PCGF5: variants seen among roughly 807,000 people sequenced by gnomAD.
PCGF5 encodes the protein polycomb group RING finger protein 5.
In PCGF5, 9 loss-of-function variants were observed where a neutral mutation model predicts 44.3. The observed-to-expected ratio is 0.20, with a 90% CI of 0.12 to 0.35. The LOEUF is 0.35. Among genes scored for constraint, PCGF5 ranks in the 10% least tolerant of loss-of-function variants. The pLI is 1.00. For synonymous variants in PCGF5, 95 were observed against 102.5 expected (o/e 0.93, Z 0.44); for missense variants, 146 against 305.3 (o/e 0.48, Z 3.89).
In PCGF5 at chr10:91,279,739, G is replaced by A. The variant is rs1310654967; in HGVS notation, c.*1423G>A. 2 of 152,080 alleles carry A rather than the reference G, an allele frequency of 1.3e-5. No individual in the cohort carries two copies. Among genetic ancestry groups the A allele is most frequent in the Non-Finnish European group, 2.9e-5 (2 of 67,954 alleles). 9.4% of individuals were successfully genotyped at this position (152,080 alleles called of 1,614,324 possible). Reference sequence around the variant, plus strand: ...GTTAGGAAAAATATTTGAGAAATATGACGAGCACAATCTGTGTGTTACACA... The same window carrying A: ...GTTAGGAAAAATATTTGAGAAATATAACGAGCACAATCTGTGTGTTACACA... On this transcript the variant is annotated 3_prime_UTR_variant, in exon 10 of 10. Transcript: ENST00000336126.
At chr10:91,188,278 G>A (rs1033684130) in intron 1 of PCGF5, among the ~76,000 whole-genome samples, 1 of 152,226 alleles carries the variant, frequency 6.6e-6, no homozygotes, top group Non-Finnish European at 1.5e-5. Context: ...GGAAGCGCAA[G>A]GGGTCAGGGA....
At chr10:91,163,372 C>G (rs1843428709) in intron 1 of PCGF5, among the ~76,000 whole-genome samples, 1 of 151,810 alleles carries the variant, frequency 6.6e-6, no homozygotes, top group Non-Finnish European at 1.5e-5. Context: ...TTTCTCTTCC[C>G]CAGAGGGGCG....
chr10:91,187,956 T>A (rs946325688), intron 1 of PCGF5, among the ~76,000 whole-genome samples: 1 of 152,016 alleles, frequency 6.6e-6, no homozygotes, highest in Non-Finnish European at 1.5e-5. Flanking sequence ...TCTTTTTTTT[T>A]TTATTTTAAA....
chr10:91,201,408 A>G (rs1246773331), intron 1 of PCGF5, among the ~76,000 whole-genome samples: 1 of 152,204 alleles, frequency 6.6e-6, no homozygotes, highest in Non-Finnish European at 1.5e-5. Context: ...AATGCCATCA[A>G]CGTATGAATT....
At chr10:91,233,353 C>G (rs1845062655) in intron 2 of PCGF5, among the ~76,000 whole-genome samples, 1 of 152,144 alleles carries the variant, frequency 6.6e-6, no homozygotes, top group Non-Finnish European at 1.5e-5. Context: ...CCCCCAGACT[C>G]TTTCCTAACC....
In PCGF5 at chr10:91,278,519, C is replaced by A; in HGVS notation, c.*203C>A. 1.7e-6 allele frequency: 1 copy of A among 578,642 alleles called. No individual in the cohort carries two copies. Among genetic ancestry groups the A allele is most frequent in the Non-Finnish European group, 3.1e-6 (1 of 320,426 alleles). The allele number at this position is 578,642 out of a possible 1,614,324, so 35.8% of individuals were successfully genotyped here. ...ACCAAGTGCCATTCTGCTACTGAAC[C>A]ATCTGCATAAGGTATTTGTGTTGTC... On this transcript the variant is annotated 3_prime_UTR_variant, in exon 10 of 10. Transcript: ENST00000336126.
chr10:91,177,589 T>G (rs1454904341), intron 1 of PCGF5, among the ~76,000 whole-genome samples: 1 of 152,216 alleles, frequency 6.6e-6, no homozygotes, highest in Non-Finnish European at 1.5e-5. Flanking sequence ...GTTTACCTAC[T>G]CAAGCCTCAG....
Position 91,240,027 on chromosome 10 carries a change from C to T in PCGF5, c.113-457C>T, listed in dbSNP as rs1216139046. On this transcript the variant is annotated intron_variant, in intron 2 of 9. Transcript: ENST00000336126. The stretch of plus-strand genomic sequence containing the variant: ...TGTGACTCCCAGTTTGTCCCTGGAG[C>T]ACCCTGCCAATAAAAGTAATGCAAA... 2.0e-5 allele frequency among the ~76,000 whole-genome samples: 3 copies of T among 152,248 alleles called. No individual in the cohort carries two copies. In the East Asian group the frequency reaches 5.8e-4, roughly 29 times the overall value.
upstream of PCGF5, among the ~76,000 whole-genome samples, chr10:91,160,638 G>C (rs1384447844): frequency 6.7e-6 from 1 of 149,874 alleles, no homozygotes; most frequent in South Asian, 2.1e-4. Context: ...AAGAGACTCT[G>C]GGGGGGAAAA....
In PCGF5 at chr10:91,189,819, A is replaced by G. The variant is rs78451039; in HGVS notation, c.-184+26738A>G. 6.6e-3 allele frequency among the ~76,000 whole-genome samples: 1,007 copies of G among 152,372 alleles called. 9 individuals are homozygous for G. Among genetic ancestry groups the G allele is most frequent in the African/African-American group, 0.023 (967 of 41,592 alleles). On this transcript the variant is annotated intron_variant, in intron 1 of 9. Coordinates refer to the PCGF5 transcript ENST00000614189. ...GAGCACATTAATATTTTCATATTGA[A>G]CACGTCTATATTTTCAAGTTGCACT...
At chr10:91,244,697 A>G (rs1845413661) in intron 3 of PCGF5, among the ~76,000 whole-genome samples, 1 of 152,204 alleles carries the variant, frequency 6.6e-6, no homozygotes, top group Non-Finnish European at 1.5e-5. Flanking sequence ...AGAAATGCTC[A>G]TATTCTGAAT....
chr10:91,164,853 G>T (rs533719094), intron 1 of PCGF5, among the ~76,000 whole-genome samples: 232 of 152,228 alleles, frequency 1.5e-3, no homozygotes, highest in African/African-American at 5.4e-3. Flanking sequence ...TCTTCACTGC[G>T]CTTAATCGCT....
intron 2 of PCGF5, among the ~76,000 whole-genome samples, chr10:91,236,628 T>C (rs566939955): frequency 6.6e-6 from 1 of 152,372 alleles, no homozygotes; most frequent in South Asian, 2.1e-4. Flanking sequence ...ATCTTTAAGA[T>C]ATTTTTAAAA....
chr10:91,241,361 C>A (rs374662818), intron 3 of PCGF5, among the ~76,000 whole-genome samples: 1 of 152,104 alleles, frequency 6.6e-6, no homozygotes, highest in African/African-American at 2.4e-5. Context: ...AGCCACCACA[C>A]CTGGCCTAAT....
rs1324004793 is a variant in PCGF5 at position 91,283,275 on chromosome 10, A to G, written c.*4959A>G. 8 of 152,216 alleles carry G rather than the reference A, an allele frequency of 5.3e-5. No individual in the cohort carries two copies. 9.4% of individuals were successfully genotyped at this position (152,216 alleles called of 1,614,324 possible). On this transcript the variant is annotated 3_prime_UTR_variant, in exon 10 of 10. Transcript: ENST00000336126. ...AGCACTTCCTTTCAGAAAGTTATAA[A>G]ATTAAAAATAATTATTTTAAATGCT... is the stretch of plus-strand genomic sequence containing the variant.
Position 91,175,811 on chromosome 10 carries a change from C to T in PCGF5, c.-184+12730C>T, listed in dbSNP as rs971704965. Among the ~76,000 whole-genome samples, 13 of 151,730 alleles carry T rather than the reference C, an allele frequency of 8.6e-5. No homozygotes were observed. In the East Asian group the frequency reaches 1.3e-3, roughly 16 times the overall value. On this transcript the variant is annotated intron_variant, in intron 1 of 9. Transcript: ENST00000614189. ...TTTTGAGCCTATGTGTGTCTCTGCA[C>T]GTGAGATGGGTTTCCTGAATACAGC...
intron 7 of PCGF5, 96 bp from the exon 8 acceptor site, chr10:91,264,335 C>T: frequency 1.1e-6 from 1 of 924,594 alleles, no homozygotes; most frequent in Non-Finnish European, 1.6e-6. Flanking sequence ...TACTTTTGTT[C>T]CAACTATTTG....
Position 91,261,337 on chromosome 10 carries a change from G to C in PCGF5, c.486G>C (p.Lys162Asn), listed in dbSNP as rs1845903589. The change falls in exon 7 of 10, where the codon AAG becomes AAC. Residue 162 changes from lysine (K) to asparagine (N), a missense_variant. Around this residue, in one of 3 missense-constraint regions of PCGF5, gnomAD observed 123 missense variants for 268.6 expected, o/e 0.46. Coordinates refer to ENST00000336126, the MANE Select transcript of PCGF5 (RefSeq NM_032373.5). ...SGDNVVKGLM[K>N]KFIRCSTRVT... ...TTTATTTCCTTTAGGGTTTAATGAAGAAATTCATTCGATGTTCTACACGTG... is the reference window on the plus strand; with the variant it reads ...TTTATTTCCTTTAGGGTTTAATGAACAAATTCATTCGATGTTCTACACGTG... 6.7e-7 allele frequency: 1 copy of C among 1,497,608 alleles called. No individual in the cohort carries two copies. Among genetic ancestry groups the C allele is most frequent in the Admixed American group, 2.0e-5 (1 of 50,072 alleles). 92.8% of individuals were successfully genotyped at this position (1,497,608 alleles called of 1,614,324 possible). A position where few individuals can be genotyped will look rare whatever the true frequency, so the allele number is the denominator to read the frequency against.
At chr10:91,187,276 G>T (rs1564628387) in intron 1 of PCGF5, among the ~76,000 whole-genome samples, 1 of 152,122 alleles carries the variant, frequency 6.6e-6, no homozygotes, top group Non-Finnish European at 1.5e-5. Flanking sequence ...ACACTAATGT[G>T]CAAATCGGTT....
Sources: allele counts gnomAD v4.1 joint callset (sites outside exome capture counted in the v4.1 genomes callset), GRCh38; gene constraint gnomAD v4.1.1; regional missense constraint gnomAD v4.1.1; transcripts MANE v1.5; gene names NCBI Gene and HGNC (gene_info 2026-07-23, HGNC 2026-07-21).